Variants in OR51D1 observed in about 807,000 individuals in gnomAD.
OR51D1 encodes olfactory receptor family 51 subfamily D member 1.
For synonymous variants in OR51D1, 187 were observed against 161.1 expected (o/e 1.16, Z -1.22); for missense variants, 452 against 396.2 (o/e 1.14, Z -1.20).
Position 4,639,638 on chromosome 11 carries a change from G to T in OR51D1, c.-14-139G>T, listed in dbSNP as rs886794348. Reference sequence around the variant, plus strand: ...TATAAGGAGAATCAGAGCAGAGAGAGACTAGGGTTCAGAATTACCAGGATG... The same window carrying T: ...TATAAGGAGAATCAGAGCAGAGAGATACTAGGGTTCAGAATTACCAGGATG... On this transcript the variant is annotated intron_variant, in intron 1 of 1. Transcript: ENST00000641817. 62 of 781,156 alleles carry T rather than the reference G, an allele frequency of 7.9e-5. No homozygotes were observed. The South Asian group carries it at 1.0e-3, about 13-fold the overall frequency. 48.4% of individuals were successfully genotyped at this position (781,156 alleles called of 1,614,324 possible). A position where few individuals can be genotyped will look rare whatever the true frequency, so the allele number is the denominator to read the frequency against.
intron 1 of OR51D1, among the ~76,000 whole-genome samples, 172 bp downstream of exon 1, chr11:4,637,925 T>C (rs546807618): frequency 1.3e-5 from 2 of 152,312 alleles, no homozygotes; most frequent in Admixed American, 1.3e-4. Flanking sequence ...GTCTGCATAC[T>C]GTGGAGTTAC....
intron 1 of OR51D1, among the ~76,000 whole-genome samples, chr11:4,639,215 T>A (rs1846932080): frequency 6.6e-6 from 1 of 152,230 alleles, no homozygotes; most frequent in Admixed American, 6.5e-5. Context: ...CAGGAAAGTT[T>A]GAGAAATGGT....
chr11:4,639,711 T>C, intron 1 of OR51D1, 66 bp from the exon 2 acceptor site: 1 of 1,469,836 alleles, frequency 6.8e-7, no homozygotes. Context: ...TTTTCCTCAT[T>C]AGTCCTTTCT....
Position 4,640,299 on chromosome 11 carries a change from T to G in OR51D1, c.509T>G (p.Phe170Cys). ...CTGACCAGGGGGTTTGTATTCTTCT[T>G]CCCACTGCCCTTCATCCTCAAGTGG... Reference protein sequence around the residue: ...SALTRGFVFFFPLPFILKWLS... With the variant: ...SALTRGFVFFCPLPFILKWLS... The change falls in exon 2 of 2, where the codon TTC becomes TGC. Residue 170 changes from phenylalanine to cysteine, a missense_variant. Physicochemically the swap from Phe to Cys is radical, Grantham distance 205. Coordinates refer to ENST00000641817, the MANE Select transcript of OR51D1 (RefSeq NM_001004751.3). The G allele has an allele frequency of 1.2e-6, 2 of 1,614,142 alleles. No individual in the cohort carries two copies. The highest frequency in any genetic ancestry group is 1.7e-6 in the Non-Finnish European group (2 of 1,180,024).
Position 4,642,828 on chromosome 11 carries a change from A to G in OR51D1, c.*2063A>G, listed in dbSNP as rs1479738980. 2 of 152,186 alleles carry G rather than the reference A, an allele frequency of 1.3e-5. No homozygotes were observed. The highest frequency in any genetic ancestry group is 2.9e-5 in the Non-Finnish European group (2 of 68,034). The allele number at this position is 152,186 out of a possible 1,614,324, so 9.4% of individuals were successfully genotyped here. ...TAAAGTCTTTGCCATGTCTAAGTTAATGAGGTTAATGGAGGCAGCAGAGAT... is the reference window on the plus strand; with the variant it reads ...TAAAGTCTTTGCCATGTCTAAGTTAGTGAGGTTAATGGAGGCAGCAGAGAT... On this transcript the variant is annotated 3_prime_UTR_variant, in exon 2 of 2. Transcript: ENST00000641817.
intron 1 of OR51D1, among the ~76,000 whole-genome samples, chr11:4,638,881 C>T (rs182612486): frequency 4.5e-4 from 68 of 152,256 alleles, no homozygotes; most frequent in African/African-American, 1.2e-3. Context: ...CAGCCTCTGC[C>T]GCCCAGGTTC....
Position 4,640,622 on chromosome 11 carries a change from G to C in OR51D1, c.832G>C (p.Gly278Arg). Reference sequence around the variant, plus strand: ...TGGGCTCTCGGTGGTGCATAGGCTGGGTGGTCCCACCTCCCTCCTCCATGT... The same window carrying C: ...TGGGCTCTCGGTGGTGCATAGGCTGCGTGGTCCCACCTCCCTCCTCCATGT... ...LIGLSVVHRL[G>R]GPTSLLHVVM... is the part of the protein sequence containing the mutation. The change falls in exon 2 of 2, where the codon GGT becomes CGT. Residue 278 changes from glycine to arginine, a missense_variant. Gly to Arg is a moderately radical substitution (Grantham distance 125). Coordinates refer to ENST00000641817, the MANE Select transcript of OR51D1 (RefSeq NM_001004751.3). 1 of 1,582,418 alleles carries C rather than the reference G, an allele frequency of 6.3e-7. No individual in the cohort carries two copies. Among genetic ancestry groups the C allele is most frequent in the African/African-American group, 1.5e-5 (1 of 65,590 alleles).
Position 4,640,445 on chromosome 11 carries a change from G to C in OR51D1, c.655G>C (p.Val219Leu). 1 of 1,614,114 alleles carries C rather than the reference G, an allele frequency of 6.2e-7. No individual in the cohort carries two copies. Among genetic ancestry groups the C allele is most frequent in the Non-Finnish European group, 8.5e-7 (1 of 1,180,022 alleles). Residue 219 changes from valine to leucine, a missense_variant, in exon 2 of 2, where the codon GTC becomes CTC. Val to Leu is a conservative substitution (Grantham distance 32). Transcript: ENST00000641817. ...VVYGLFIILS[V>L]MGVDSLFIGF... ...TTATGGACTCTTCATCATCCTCTCA[G>C]TCATGGGTGTGGACTCTCTCTTCAT...
At chr11:4,638,701 C>G (rs1846925576) in intron 1 of OR51D1, among the ~76,000 whole-genome samples, 2 of 152,182 alleles carry the variant, frequency 1.3e-5, no homozygotes, top group African/African-American at 4.8e-5. Flanking sequence ...TCCCTGCCCC[C>G]AAGAACACCA....
intron 1 of OR51D1, 165 bp from the exon 2 acceptor site, chr11:4,639,612 A>G (rs1846936485): frequency 3.0e-6 from 2 of 662,022 alleles, no homozygotes; most frequent in Admixed American, 2.9e-5. Flanking sequence ...AGGAAGTTGT[A>G]TATAAGGAGA....
Position 4,641,449 on chromosome 11 carries a change from T to A in OR51D1, c.*684T>A, listed in dbSNP as rs1225503680. The A allele has an allele frequency of 1.3e-5, 2 of 152,830 alleles. No individual in the cohort carries two copies. The highest frequency in any genetic ancestry group is 2.9e-5 in the Non-Finnish European group (2 of 68,280). 9.5% of individuals were successfully genotyped at this position (152,830 alleles called of 1,614,324 possible). On this transcript the variant is annotated 3_prime_UTR_variant, in exon 2 of 2. Coordinates refer to ENST00000641817, the MANE Select transcript of OR51D1 (RefSeq NM_001004751.3). ...ATATGTGAGAGAGAGGGTGCACACATGGAATACGTACTGGTTGTGTCCTGG... is the reference window on the plus strand; with the variant it reads ...ATATGTGAGAGAGAGGGTGCACACAAGGAATACGTACTGGTTGTGTCCTGG...
Position 4,641,205 on chromosome 11 carries a change from G to T in OR51D1, c.*440G>T. On this transcript the variant is annotated 3_prime_UTR_variant, in exon 2 of 2. Coordinates refer to ENST00000641817, the MANE Select transcript of OR51D1 (RefSeq NM_001004751.3). ...ATCAGGGGTTAATGAAGGTATTTGG[G>T]GAATAGTAACTGGAGAGACAGCAAC... 6.1e-6 allele frequency: 1 copy of T among 163,724 alleles called. No individual in the cohort carries two copies. The highest frequency in any genetic ancestry group is 1.7e-4 in the South Asian group (1 of 5,752). 10.1% of individuals were successfully genotyped at this position (163,724 alleles called of 1,614,324 possible).
chr11:4,640,830 G>T lies in OR51D1; in HGVS notation c.*65G>T. 1 of 1,442,134 alleles carries T rather than the reference G, an allele frequency of 6.9e-7. No individual in the cohort carries two copies. Among genetic ancestry groups the T allele is most frequent in the Non-Finnish European group, 9.4e-7 (1 of 1,063,934 alleles). 89.3% of individuals were successfully genotyped at this position (1,442,134 alleles called of 1,614,324 possible). On this transcript the variant is annotated 3_prime_UTR_variant, in exon 2 of 2. Coordinates refer to ENST00000641817, the MANE Select transcript of OR51D1 (RefSeq NM_001004751.3). ...TGGGAATATTAGGATCCTATTGAAT[G>T]CCTTGGTGATTAAAGTATCAAACCT...
In OR51D1 at chr11:4,640,689, A is replaced by T. The variant is rs141098080; in HGVS notation, c.899A>T (p.Asn300Ile). ...TACTTGCTGCTACCACCTGTAGTCA[A>T]CCCCCTTGTCTATGGAGCCAAGACC... ...NTYLLLPPVV[N>I]PLVYGAKTKE... The change falls in exon 2 of 2, where the codon AAC (asparagine) becomes ATC (isoleucine). Residue 300 changes from asparagine to isoleucine, a missense_variant. Coordinates refer to ENST00000641817, the MANE Select transcript of OR51D1 (RefSeq NM_001004751.3). 3 of 1,610,282 alleles carry T rather than the reference A, an allele frequency of 1.9e-6. No individual in the cohort carries two copies. Among genetic ancestry groups the T allele is most frequent in the Non-Finnish European group, 2.5e-6 (3 of 1,178,976 alleles).
chr11:4,639,667 T>A (rs545881429), intron 1 of OR51D1, 110 bp from the exon 2 acceptor site: 1 of 960,260 alleles, frequency 1.0e-6, no homozygotes, highest in East Asian at 2.4e-5. Context: ...CAGGATGACT[T>A]AGTCCTGTTT....
At position 4,640,594 on chromosome 11, in the gene OR51D1, C is replaced by T. The variant is rs757716418; in HGVS notation, c.804C>T (p.Leu268=). 1.9e-6 allele frequency: 3 copies of T among 1,613,550 alleles called. No individual in the cohort carries two copies. Among genetic ancestry groups the T allele is most frequent in the East Asian group, 4.5e-5 (2 of 44,878 alleles). The change falls in exon 2 of 2, where the codon CTC becomes CTT. Residue 268 remains leucine, a synonymous_variant. Coordinates refer to ENST00000641817, the MANE Select transcript of OR51D1 (RefSeq NM_001004751.3). ...CTGTTCTGGTCTTCTATGTACCCCT[C>T]ATTGGGCTCTCGGTGGTGCATAGGC... ...LCAVLVFYVP[L]IGLSVVHRLG... is the part of the protein sequence containing the mutation.
Position 4,639,968 on chromosome 11 carries a change from CTCA to C in OR51D1, c.183_185del (p.Ile62del). On this transcript the variant is annotated inframe_deletion, in exon 2 of 2. Coordinates refer to ENST00000641817, the MANE Select transcript of OR51D1 (RefSeq NM_001004751.3). ...CACCCTGGGTAACCTGACCATTGTC[CTCA>C]TCATTCGTGTGGAGAGGCGACTGCA... 6.2e-7 allele frequency: 1 copy of C among 1,614,188 alleles called. No individual in the cohort carries two copies. Among genetic ancestry groups the C allele is most frequent in the Non-Finnish European group, 8.5e-7 (1 of 1,180,014 alleles).
rs776469224 is a variant in OR51D1, at chr11:4,639,935, G to C, written c.145G>C (p.Ala49Pro). The change falls in exon 2 of 2, where the codon GCC becomes CCC. Residue 49 changes from alanine (A) to proline (P), a missense_variant. By Grantham distance (27) the Ala-to-Pro change is conservative. Coordinates refer to ENST00000641817, the MANE Select transcript of OR51D1 (RefSeq NM_001004751.3). ...GGCTTTCCCACTGTGTTTTATGTATGCCTTGGCCACCCTGGGTAACCTGAC... is the reference window on the plus strand; with the variant it reads ...GGCTTTCCCACTGTGTTTTATGTATCCCTTGGCCACCCTGGGTAACCTGAC... ...WLAFPLCFMYALATLGNLTIV... is the reference protein window; with the variant it reads ...WLAFPLCFMYPLATLGNLTIV... 1 of 1,614,050 alleles carries C rather than the reference G, an allele frequency of 6.2e-7. No homozygotes were observed. The highest frequency in any genetic ancestry group is 8.5e-7 in the Non-Finnish European group (1 of 1,180,042).
Position 4,640,461 on chromosome 11 carries a change from C to T in OR51D1, c.671C>T (p.Ser224Phe). Residue 224 changes from serine to phenylalanine, a missense_variant, in exon 2 of 2, where the codon TCT becomes TTT. Coordinates refer to ENST00000641817, the MANE Select transcript of OR51D1 (RefSeq NM_001004751.3). ...FIILSVMGVD[S>F]LFIGFSYILI... The stretch of plus-strand genomic sequence containing the variant: ...ATCCTCTCAGTCATGGGTGTGGACT[C>T]TCTCTTCATTGGCTTCTCATATATC... 5 of 1,614,120 alleles carry T rather than the reference C, an allele frequency of 3.1e-6. No homozygotes were observed. Among genetic ancestry groups the T allele is most frequent in the Non-Finnish European group, 4.2e-6 (5 of 1,180,010 alleles).
Sources: gnomAD v4.1 joint callset for allele counts (sites outside exome capture counted in the v4.1 genomes callset) on GRCh38, gnomAD v4.1.1 for gene constraint, MANE v1.5 for transcripts, NCBI Gene and HGNC (gene_info 2026-07-23, HGNC 2026-07-21) for gene names.